NRXN3: variants seen among roughly 807,000 people sequenced by gnomAD.
NRXN3 encodes neurexin 3.
NRXN3 carries 32 observed loss-of-function variants against 137.6 expected under a neutral mutation model. That is an observed-to-expected ratio of 0.23 (90% CI 0.18 to 0.31). NRXN3 has a LOEUF of 0.31. Among genes scored for constraint, NRXN3 ranks in the 10% least tolerant of loss-of-function variants. NRXN3 has a pLI of 1.00. For synonymous variants in NRXN3, 798 were observed against 784.5 expected (o/e 1.02, Z -0.29); for missense variants, 1,574 against 2,062.5 (o/e 0.76, Z 4.59).
intron 15 of NRXN3, among the ~76,000 whole-genome samples, chr14:79,094,553 A>C (rs746460478): frequency 6.6e-6 from 1 of 152,186 alleles, no homozygotes. Context: ...AACCTTATGC[A>C]ATTGTGACTT....
chr14:78,415,330 A>G (rs375181153), intron 4 of NRXN3, among the ~76,000 whole-genome samples: 35 of 152,318 alleles, frequency 2.3e-4, no homozygotes, highest in African/African-American at 7.0e-4. Flanking sequence ...GTCGAGGAGA[A>G]AAGAGGCTGT....
intron 15 of NRXN3, among the ~76,000 whole-genome samples, chr14:79,415,474 A>T (rs563173399): frequency 2.6e-5 from 4 of 152,174 alleles, no homozygotes; most frequent in African/African-American, 9.6e-5. Context: ...GGTTTTATGC[A>T]AATCTGATGT....
chr14:79,795,782 T>G (rs935699113), intron 19 of NRXN3, among the ~76,000 whole-genome samples: 1 of 152,204 alleles, frequency 6.6e-6, no homozygotes, highest in Non-Finnish European at 1.5e-5. Flanking sequence ...GTATTTTATA[T>G]TCACTTCATT....
chr14:79,299,587 A>C (rs2084793672), intron 15 of NRXN3, among the ~76,000 whole-genome samples: 1 of 152,124 alleles, frequency 6.6e-6, no homozygotes, highest in South Asian at 2.1e-4. Context: ...GAAAATGGCC[A>C]TTATAAAACC....
intron 15 of NRXN3, among the ~76,000 whole-genome samples, chr14:79,178,130 C>T (rs1209304874): frequency 6.6e-6 from 1 of 152,188 alleles, no homozygotes; most frequent in Non-Finnish European, 1.5e-5. Flanking sequence ...GATGGCTGGG[C>T]TCCACCCAGG....
intron 19 of NRXN3, among the ~76,000 whole-genome samples, chr14:79,804,020 G>A (rs187508575): frequency 6.7e-6 from 1 of 149,444 alleles, no homozygotes; most frequent in Admixed American, 6.7e-5. Flanking sequence ...TGTATGTCTA[G>A]GACAGCATCT....
chr14:78,645,526 A>G, intron 5 of NRXN3, 105 bp downstream of exon 5: 1 of 920,350 alleles, frequency 1.1e-6, no homozygotes, highest in East Asian at 2.7e-5. Context: ...GTGGAGATTC[A>G]GGGATGGAGA....
rs192105504 is a variant in NRXN3 at position 79,493,056 on chromosome 14, A to G, written c.3444+25654A>G. On this transcript the variant is annotated intron_variant, in intron 16 of 20. Coordinates refer to ENST00000335750, the MANE Select transcript of NRXN3 (RefSeq NM_001330195.2). Reference sequence around the variant, plus strand: ...CCCAATGTGATATTGAACTGGATCAATGGTGGGGTGCCAGCACATGAGGAA... The same window carrying G: ...CCCAATGTGATATTGAACTGGATCAGTGGTGGGGTGCCAGCACATGAGGAA... 1.6e-4 allele frequency among the ~76,000 whole-genome samples: 25 copies of G among 152,352 alleles called. 1 individual carries two copies. The East Asian group carries it at 1.7e-3, about 11-fold the overall frequency.
At chr14:79,407,958 G>A (rs543867778) in intron 15 of NRXN3, among the ~76,000 whole-genome samples, 13 of 152,214 alleles carry the variant, frequency 8.5e-5, no homozygotes, top group Admixed American at 2.0e-4. Flanking sequence ...TTGAATATTG[G>A]TTCATATCTT....
rs149534233 is a variant in NRXN3 at position 78,988,126 on chromosome 14, A to G, written c.3247A>G (p.Asn1083Asp). The change falls in exon 15 of 21, where the codon AAC becomes GAC. Residue 1083 changes from asparagine to aspartate, a missense_variant. Asn to Asp is a conservative substitution (Grantham distance 23, BLOSUM62 1). Around this residue, in one of 5 missense-constraint regions of NRXN3, gnomAD observed 718 missense variants for 887.6 expected, o/e 0.81. Coordinates refer to ENST00000335750, the MANE Select transcript of NRXN3 (RefSeq NM_001330195.2). ...CDCSMTSYSG[N>D]QCNDPGATYI... ...TTGTTCTATGACCTCTTATTCTGGA[A>G]ACCAGTGCAATGATCGTAAGTACAA... is the stretch of plus-strand genomic sequence containing the variant. 2.2e-5 allele frequency: 36 copies of G among 1,613,768 alleles called. No homozygotes were observed. Among genetic ancestry groups the G allele is most frequent in the Middle Eastern group, 1.6e-4 (1 of 6,084 alleles).
At chr14:79,300,097 CTA>C (rs1344630838) in intron 15 of NRXN3, among the ~76,000 whole-genome samples, 1 of 152,038 alleles carries the variant, frequency 6.6e-6, no homozygotes, top group East Asian at 1.9e-4. Context: ...GTGCCAAGCA[CTA>C]TGTTGAAGTG....
At chr14:79,228,884 C>T (rs1047910528) in intron 15 of NRXN3, among the ~76,000 whole-genome samples, 17 of 152,132 alleles carry the variant, frequency 1.1e-4, no homozygotes, top group African/African-American at 2.6e-4. Flanking sequence ...TAGAAGGGAG[C>T]GGTATTGGCA....
At chr14:79,761,662 G>A (rs1241758785) in intron 19 of NRXN3, among the ~76,000 whole-genome samples, 2 of 123,982 alleles carry the variant, frequency 1.6e-5, no homozygotes, top group Non-Finnish European at 3.1e-5. Flanking sequence ...CTCCAGCCTG[G>A]CAACAAAGCG....
At chr14:79,314,127 T>C (rs2087750681) in intron 15 of NRXN3, 1 of 150,884 alleles carries the variant, frequency 6.6e-6, no homozygotes, top group Admixed American at 6.7e-5. Flanking sequence ...AGAAGACGGG[T>C]GATTTCTGCA....
intron 15 of NRXN3, among the ~76,000 whole-genome samples, chr14:79,440,069 C>T (rs1389051884): frequency 6.6e-6 from 1 of 152,080 alleles, no homozygotes; most frequent in Non-Finnish European, 1.5e-5. Flanking sequence ...TAAAAACAAA[C>T]CTTTCATAAA....
intron 15 of NRXN3, among the ~76,000 whole-genome samples, chr14:79,156,669 G>C (rs2060279972): frequency 6.6e-6 from 1 of 151,654 alleles, no homozygotes; most frequent in Admixed American, 6.6e-5. Context: ...TTTAGACTGA[G>C]GTTCTGAGAG....
chr14:78,337,126 G>A (rs1567298904), intron 4 of NRXN3, among the ~76,000 whole-genome samples: 2 of 152,214 alleles, frequency 1.3e-5, no homozygotes, highest in South Asian at 2.1e-4. Flanking sequence ...CTTAAGGTGC[G>A]AAATAATAAC....
intron 4 of NRXN3, among the ~76,000 whole-genome samples, chr14:78,548,106 A>G (rs2096653159): frequency 6.6e-6 from 1 of 152,228 alleles, no homozygotes; most frequent in Non-Finnish European, 1.5e-5. Context: ...TATAGCCTCC[A>G]AGGCCATAAA....
chr14:79,127,402 A>T (rs1015855198), intron 15 of NRXN3, among the ~76,000 whole-genome samples: 1 of 152,156 alleles, frequency 6.6e-6, no homozygotes, highest in Non-Finnish European at 1.5e-5. Context: ...ATGGCTAGCC[A>T]GTTTTCCCAG....
Sources: allele counts gnomAD v4.1 joint callset (sites outside exome capture counted in the v4.1 genomes callset), GRCh38; gene constraint gnomAD v4.1.1; regional missense constraint gnomAD v4.1.1; transcripts MANE v1.5; gene names NCBI Gene and HGNC (gene_info 2026-07-23, HGNC 2026-07-21).